CADM2: variants seen among roughly 807,000 people sequenced by gnomAD.
CADM2 encodes cell adhesion molecule 2.
In CADM2, 12 loss-of-function variants were observed where a neutral mutation model predicts 49.8. The ratio of observed to expected loss-of-function variants is 0.24; its 90% CI spans 0.15 to 0.39. The LOEUF (loss-of-function observed/expected upper bound fraction) is 0.39, where lower values mean the gene tolerates loss of function less well. CADM2 is among the 10% of genes least tolerant of loss of function. The probability of loss-of-function intolerance (pLI) is 1.00; values close to 1 mark genes in which losing one functional copy is unlikely to be tolerated. For missense variants in CADM2, 378 were observed against 492.3 expected, an observed-to-expected ratio of 0.77 and a Z score of 2.20; for synonymous variants, 214 against 175.4, an observed-to-expected ratio of 1.22 and a Z score of -1.74.
intron 1 of CADM2, among the ~76,000 whole-genome samples, chr3:85,404,151 A>G (rs1332744729): frequency 6.6e-6 from 1 of 152,136 alleles, no homozygotes; most frequent in Non-Finnish European, 1.5e-5. Flanking sequence ...ATAAGCTTGA[A>G]TTTGCCTTGG....
intron 3 of CADM2, among the ~76,000 whole-genome samples, chr3:85,869,720 G>A (rs1482375124): frequency 6.6e-6 from 1 of 151,992 alleles, no homozygotes; most frequent in Non-Finnish European, 1.5e-5. Context: ...GTGCAGTGGC[G>A]CGATCTCGGC....
chr3:85,570,550 TTA>T (rs2062445297), intron 1 of CADM2, among the ~76,000 whole-genome samples: 1 of 152,260 alleles, frequency 6.6e-6, no homozygotes, highest in South Asian at 2.1e-4. Flanking sequence ...CCATACTGTA[TTA>T]TGATTTTTTT....
rs186148158 is a variant in CADM2, at chr3:85,103,751, C to T, written c.61+144083C>T. On this transcript the variant is annotated intron_variant, in intron 1 of 9. Coordinates refer to ENST00000383699, the MANE Select transcript of CADM2 (RefSeq NM_001167675.2). ...ATCTGAATGTAAGCAAAAGCACATA[C>T]GAAACAATATTCCAGAACGTGAGTA... Among the ~76,000 whole-genome samples, 12 of 152,170 alleles carry T rather than the reference C, an allele frequency of 7.9e-5. No homozygotes were observed. The East Asian group carries it at 1.2e-3, about 15-fold the overall frequency.
intron 5 of CADM2, among the ~76,000 whole-genome samples, chr3:85,905,983 G>T (rs1716747714): frequency 1.3e-5 from 2 of 152,104 alleles, no homozygotes; most frequent in Non-Finnish European, 2.9e-5. Context: ...GCTGAGTGCT[G>T]CAGGACTCCA....
intron 1 of CADM2, among the ~76,000 whole-genome samples, chr3:85,354,882 C>G (rs2031722008): frequency 6.6e-6 from 1 of 152,054 alleles, no homozygotes; most frequent in Non-Finnish European, 1.5e-5. Context: ...TACATATTTA[C>G]TGTGCTATAG....
chr3:85,071,015 TAAATAAAC>T (rs2036721231), intron 1 of CADM2, among the ~76,000 whole-genome samples: 1 of 150,176 alleles, frequency 6.7e-6, no homozygotes, highest in African/African-American at 2.5e-5. Context: ...AATAAATAAA[TAAATAAAC>T]AAATAAATAA....
rs979324709 is a variant in CADM2, at chr3:85,612,733, A to G, written c.62-113789A>G. 4.6e-5 allele frequency among the ~76,000 whole-genome samples: 7 copies of G among 151,898 alleles called. No individual in the cohort carries two copies. In the East Asian group the frequency reaches 1.4e-3, roughly 29 times the overall value. On this transcript the variant is annotated intron_variant, in intron 1 of 9. Coordinates refer to ENST00000383699, the MANE Select transcript of CADM2 (RefSeq NM_001167675.2). ...GATTTAACTTAGTAATATGTTTGTC[A>G]TGAGGGACATTTATTATAGCATAAT...
At chr3:85,825,654 A>G (rs542540175) in intron 3 of CADM2, among the ~76,000 whole-genome samples, 2 of 152,116 alleles carry the variant, frequency 1.3e-5, no homozygotes, top group Non-Finnish European at 2.9e-5. Context: ...TTAAAGGGCT[A>G]TCTGTAGGAT....
intron 1 of CADM2, among the ~76,000 whole-genome samples, chr3:85,480,803 A>G (rs1458021318): frequency 1.3e-5 from 2 of 151,880 alleles, no homozygotes; most frequent in African/African-American, 4.8e-5. Flanking sequence ...TAGAATTGCA[A>G]TGTTTGAGGA....
chr3:85,936,171 G>A (rs556080810), intron 7 of CADM2, among the ~76,000 whole-genome samples: 37 of 151,730 alleles, frequency 2.4e-4, no homozygotes, highest in African/African-American at 7.5e-4. Flanking sequence ...GCAGCACACC[G>A]TTGAATTCAG....
At chr3:85,730,505 TG>T (rs2067886825) in intron 2 of CADM2, among the ~76,000 whole-genome samples, 1 of 151,772 alleles carries the variant, frequency 6.6e-6, no homozygotes, top group Admixed American at 6.6e-5. Context: ...CTTCAGAGCT[TG>T]CCTGAAATAG....
chr3:86,054,648 C>A (rs889965777), intron 8 of CADM2, among the ~76,000 whole-genome samples: 10 of 151,784 alleles, frequency 6.6e-5, no homozygotes, highest in African/African-American at 2.2e-4. Context: ...TTAAAAAATT[C>A]TTCTATACTA....
At chr3:85,549,542 A>G (rs1216371782) in intron 1 of CADM2, among the ~76,000 whole-genome samples, 1 of 152,184 alleles carries the variant, frequency 6.6e-6, no homozygotes, top group East Asian at 1.9e-4. Context: ...ATAAGAACAG[A>G]TAATTGGTGA....
chr3:86,064,708 A>G (rs778529326), intron 8 of CADM2, among the ~76,000 whole-genome samples: 1 of 152,146 alleles, frequency 6.6e-6, no homozygotes, highest in Non-Finnish European at 1.5e-5. Flanking sequence ...ATGATATACC[A>G]CCTCACACCA....
intron 1 of CADM2, among the ~76,000 whole-genome samples, chr3:85,249,764 T>A (rs1327443684): frequency 6.6e-6 from 1 of 151,936 alleles, no homozygotes; most frequent in African/African-American, 2.4e-5. Flanking sequence ...GTATAATTTT[T>A]AAAAATCTCA....
intron 8 of CADM2, among the ~76,000 whole-genome samples, chr3:85,964,328 C>T (rs1344186259): frequency 3.3e-5 from 5 of 151,562 alleles, no homozygotes; most frequent in East Asian, 2.0e-4. Context: ...AGCTGAGACC[C>T]GTGTCTTTGA....
intron 1 of CADM2, among the ~76,000 whole-genome samples, chr3:85,354,419 G>T (rs1022850980): frequency 6.0e-5 from 9 of 150,316 alleles, no homozygotes; most frequent in South Asian, 2.1e-4. Flanking sequence ...CGAGTTAATG[G>T]GTGCAGCACA....
At chr3:85,367,098 C>G (rs1000250981) in intron 1 of CADM2, among the ~76,000 whole-genome samples, 1 of 151,720 alleles carries the variant, frequency 6.6e-6, no homozygotes. Context: ...AATTAATTAT[C>G]GGTTTTGATA....
chr3:85,056,172 T>C (rs748881269), intron 1 of CADM2, among the ~76,000 whole-genome samples: 33 of 152,116 alleles, frequency 2.2e-4, no homozygotes, highest in Non-Finnish European at 3.5e-4. Flanking sequence ...TAGTATCCAC[T>C]GATGACTTCA....
Sources: allele counts gnomAD v4.1 joint callset (sites outside exome capture counted in the v4.1 genomes callset), GRCh38; gene constraint gnomAD v4.1.1; transcripts MANE v1.5; gene names NCBI Gene and HGNC (gene_info 2026-07-23, HGNC 2026-07-21).